ASCC3: variants seen among roughly 807,000 people sequenced by gnomAD.
ASCC3 encodes activating signal cointegrator 1 complex subunit 3, also known as ASC-1 complex subunit P200.
A neutral mutation model predicts 256.3 loss-of-function variants in ASCC3; 158 were observed. That is an observed-to-expected ratio of 0.62 (90% CI 0.54 to 0.70). ASCC3 has a LOEUF of 0.70. Ranked by LOEUF, ASCC3 falls within the 30% of genes least tolerant of loss-of-function variation. The pLI is 0.00. For synonymous variants in ASCC3, 948 were observed against 883.4 expected, an observed-to-expected ratio of 1.07 and a Z score of -1.30; for missense variants, 2,259 against 2,626.0, an observed-to-expected ratio of 0.86 and a Z score of 3.05.
At chr6:100,614,493 A>G (rs934016760) in intron 30 of ASCC3, among the ~76,000 whole-genome samples, 4 of 152,284 alleles carry the variant, frequency 2.6e-5, no homozygotes, top group Admixed American at 2.0e-4. Context: ...TCCTCACAAC[A>G]TTCCTATGAG....
intron 36 of ASCC3, among the ~76,000 whole-genome samples, chr6:100,566,667 T>C (rs77955196): frequency 2.9e-4 from 44 of 152,266 alleles, no homozygotes; most frequent in Non-Finnish European, 6.3e-4. Flanking sequence ...TTGATTGCCA[T>C]TTGTTTTTTG....
At chr6:100,822,890 G>A (rs571949814) in intron 4 of ASCC3, among the ~76,000 whole-genome samples, 1 of 152,228 alleles carries the variant, frequency 6.6e-6, no homozygotes, top group Non-Finnish European at 1.5e-5. Flanking sequence ...AAAATGCAAT[G>A]TTCATACATG....
At chr6:100,783,656 T>C (rs931210732) in intron 8 of ASCC3, among the ~76,000 whole-genome samples, 1 of 152,130 alleles carries the variant, frequency 6.6e-6, no homozygotes, top group East Asian at 1.9e-4. Context: ...AGATCTTACA[T>C]ACTACTTCAC....
chr6:100,652,524 A>T (rs897198639), intron 18 of ASCC3, among the ~76,000 whole-genome samples: 1 of 152,146 alleles, frequency 6.6e-6, no homozygotes, highest in Non-Finnish European at 1.5e-5. Flanking sequence ...GGATACACTC[A>T]TTGAATAGGA....
chr6:100,792,764 A>G (rs1344672961), intron 8 of ASCC3, among the ~76,000 whole-genome samples: 1 of 151,924 alleles, frequency 6.6e-6, no homozygotes, highest in Admixed American at 6.6e-5. Context: ...ATTTAGAATG[A>G]AAAAATGAGA....
At chr6:100,864,332 G>T (rs1166083144) in intron 2 of ASCC3, 118 bp from the exon 3 acceptor site, 1 of 902,794 alleles carries the variant, frequency 1.1e-6, no homozygotes, top group East Asian at 2.5e-5. Context: ...AGAATTCAAA[G>T]TTGTATCTAT....
intron 3 of ASCC3, among the ~76,000 whole-genome samples, chr6:100,849,526 T>C (rs62422110): frequency 0.014 from 2,150 of 152,282 alleles, 19 homozygotes; most frequent in Non-Finnish European, 0.024. Context: ...AGGATATTTA[T>C]TAAGCTGAAG....
chr6:100,606,862 T>TA lies in ASCC3; in HGVS notation c.4924-3dup. The TA allele has an allele frequency of 6.2e-7, 1 of 1,611,238 alleles. No homozygotes were observed. Among genetic ancestry groups the TA allele is most frequent in the Non-Finnish European group, 8.5e-7 (1 of 1,178,734 alleles). On this transcript the variant is annotated splice_region_variant and splice_polypyrimidine_tract_variant and intron_variant, in intron 31 of 41. Transcript: ENST00000369162. ...TAATGTGCTTGTAGCAATAAGAACC[T>TA]AAAAAGCAAAATAAAATATCTTATA...
intron 34 of ASCC3, among the ~76,000 whole-genome samples, chr6:100,595,744 G>A (rs1385138932): frequency 6.6e-6 from 1 of 152,094 alleles, no homozygotes; most frequent in African/African-American, 2.4e-5. Flanking sequence ...TATTCTCCTT[G>A]TGCTTCCTTT....
At chr6:100,764,283 G>A (rs1457170548) in intron 10 of ASCC3, among the ~76,000 whole-genome samples, 1 of 152,148 alleles carries the variant, frequency 6.6e-6, no homozygotes, top group Non-Finnish European at 1.5e-5. Flanking sequence ...ATTCAGGGAA[G>A]AAGTAAATAC....
chr6:100,509,435 T>G lies in ASCC3; in HGVS notation c.6560A>C (p.Gln2187Pro), dbSNP rs1773645645. 1 of 1,614,214 alleles carries G rather than the reference T, an allele frequency of 6.2e-7. No homozygotes were observed. The highest frequency in any genetic ancestry group is 1.3e-5 in the African/African-American group (1 of 75,058). ...LNVTQASLSA[Q>P]VNTKVSDSLT... Reference sequence around the variant, plus strand: ...GGAATCAGAGACCTTGGTGTTGACCTGTGCAGAAAGACTCGCTTGTGTAAC... The same window carrying G: ...GGAATCAGAGACCTTGGTGTTGACCGGTGCAGAAAGACTCGCTTGTGTAAC... The change falls in exon 42 of 42, where the codon CAG (glutamine) becomes CCG (proline). Residue 2187 changes from glutamine to proline, a missense_variant. Transcript: ENST00000369162.
At chr6:100,673,448 G>A (rs1009665179) in intron 14 of ASCC3, among the ~76,000 whole-genome samples, 1 of 151,884 alleles carries the variant, frequency 6.6e-6, no homozygotes. Context: ...TGTCAAAACA[G>A]CATGATTCCT....
intron 1 of ASCC3, among the ~76,000 whole-genome samples, chr6:100,869,454 T>A (rs1267214452): frequency 1.3e-5 from 2 of 152,164 alleles, no homozygotes; most frequent in South Asian, 2.1e-4. Flanking sequence ...ATAATAGAAA[T>A]TTTTTAATAA....
At chr6:100,850,829 T>C (rs1021220779) in intron 3 of ASCC3, among the ~76,000 whole-genome samples, 1 of 152,186 alleles carries the variant, frequency 6.6e-6, no homozygotes, top group African/African-American at 2.4e-5. Flanking sequence ...ATTCATTCTA[T>C]ACATTTTACT....
chr6:100,796,902 G>C (rs1408536376), intron 8 of ASCC3, among the ~76,000 whole-genome samples: 1 of 152,086 alleles, frequency 6.6e-6, no homozygotes, highest in Admixed American at 6.6e-5. Flanking sequence ...CATCACGTGT[G>C]GTAGGCAGAA....
chr6:100,776,040 C>G (rs1445990400), intron 8 of ASCC3, among the ~76,000 whole-genome samples: 1 of 151,930 alleles, frequency 6.6e-6, no homozygotes, highest in African/African-American at 2.4e-5. Flanking sequence ...TGGGTTATAT[C>G]AAAACTCTAT....
chr6:100,777,364 G>C (rs1170185895), intron 8 of ASCC3, among the ~76,000 whole-genome samples: 1 of 151,926 alleles, frequency 6.6e-6, no homozygotes, highest in Non-Finnish European at 1.5e-5. Flanking sequence ...TCATTTATTT[G>C]GCAAATAGTT....
At chr6:100,784,472 A>C (rs1782598721) in intron 8 of ASCC3, among the ~76,000 whole-genome samples, 1 of 152,120 alleles carries the variant, frequency 6.6e-6, no homozygotes, top group African/African-American at 2.4e-5. Context: ...ATTTACAATA[A>C]GAAAAAAACA....
chr6:100,580,770 C>T (rs1349709027), intron 36 of ASCC3, among the ~76,000 whole-genome samples: 5 of 139,200 alleles, frequency 3.6e-5, no homozygotes, highest in African/African-American at 1.3e-4. Context: ...GTGTGATGTT[C>T]CCCTTCCTGT....
Sources: allele counts gnomAD v4.1 joint callset (sites outside exome capture counted in the v4.1 genomes callset), GRCh38; gene constraint gnomAD v4.1.1; transcripts MANE v1.5; gene names NCBI Gene and HGNC (gene_info 2026-07-23, HGNC 2026-07-21).